AKAP13: variants seen among roughly 807,000 people sequenced by gnomAD.
AKAP13 encodes the protein A-kinase anchoring protein 13, also known as A-kinase anchor protein 13.
AKAP13 carries 80 observed loss-of-function variants against 264.5 expected under a neutral mutation model. The observed-to-expected ratio is 0.30, with a 90% CI of 0.25 to 0.36. The LOEUF (loss-of-function observed/expected upper bound fraction) is 0.36, where lower values mean the gene tolerates loss of function less well. AKAP13 is among the 10% of genes least tolerant of loss of function. The pLI is 1.00. For synonymous variants in AKAP13, 1,380 were observed against 1,250.2 expected, an observed-to-expected ratio of 1.10 and a Z score of -2.19; for missense variants, 3,712 against 3,435.2, an observed-to-expected ratio of 1.08 and a Z score of -2.01.
At chr15:85,741,713 A>C (rs12148184) in intron 35 of AKAP13, among the ~76,000 whole-genome samples, 50,317 of 95,940 alleles carry the variant, frequency 0.52, 10,795 homozygotes, top group Non-Finnish European at 0.57. Flanking sequence ...AAAAAAAAAA[A>C]AAACAAACAA....
At chr15:85,408,152 A>T (rs548185596) in intron 1 of AKAP13, among the ~76,000 whole-genome samples, 26 of 151,700 alleles carry the variant, frequency 1.7e-4, no homozygotes, top group African/African-American at 5.9e-4. Context: ...GGTAATGTTT[A>T]CATTTGGCTT....
intron 8 of AKAP13, among the ~76,000 whole-genome samples, chr15:85,623,844 TA>T (rs1377770399): frequency 1.3e-5 from 2 of 152,262 alleles, no homozygotes; most frequent in Non-Finnish European, 2.9e-5. Flanking sequence ...ATGTGGTTGG[TA>T]ACTATGAATC....
chr15:85,522,128 C>T (rs2076844274), intron 3 of AKAP13, among the ~76,000 whole-genome samples: 1 of 152,102 alleles, frequency 6.6e-6, no homozygotes, highest in Non-Finnish European at 1.5e-5. Context: ...CCAGTATCAC[C>T]ATTGCTGAAC....
intron 29 of AKAP13, among the ~76,000 whole-genome samples, chr15:85,729,684 C>T (rs2087851516): frequency 6.6e-6 from 1 of 151,962 alleles, no homozygotes; most frequent in South Asian, 2.1e-4. Context: ...CACCTGTAAT[C>T]CCAGCACTTT....
intron 2 of AKAP13, among the ~76,000 whole-genome samples, chr15:85,518,111 T>C (rs1456658182): frequency 6.6e-6 from 1 of 152,242 alleles, no homozygotes; most frequent in African/African-American, 2.4e-5. Context: ...TTTATTCTTG[T>C]AGGCTGGTCT....
intron 8 of AKAP13, among the ~76,000 whole-genome samples, chr15:85,589,554 G>C (rs967363831): frequency 6.6e-6 from 1 of 150,446 alleles, no homozygotes; most frequent in African/African-American, 2.4e-5. Flanking sequence ...TCAGGAGTTC[G>C]TGACCAGCCT....
At chr15:85,619,831 T>C (rs2081095831) in intron 8 of AKAP13, 2 of 1,231,200 alleles carry the variant, frequency 1.6e-6, no homozygotes, top group Non-Finnish European at 2.1e-6. Flanking sequence ...TTGTTTATAT[T>C]ATGAGTTCTA....
intron 33 of AKAP13, among the ~76,000 whole-genome samples, chr15:85,736,421 TTTTG>T (rs145901490): frequency 0.11 from 15,420 of 143,504 alleles, 1,041 homozygotes; most frequent in East Asian, 0.37. Context: ...CTTGCTGTTT[TTTTG>T]TTTGTTTGTT....
At position 85,475,018 on chromosome 15, in the gene AKAP13, A is replaced by G. The variant is rs528824842; in HGVS notation, c.-11-10692A>G. Reference sequence around the variant, plus strand: ...GGTCATCCAGCTCAGTAATGTCCTCATTTGTGTGAGAGCCTACCTGCCTAT... The same window carrying G: ...GGTCATCCAGCTCAGTAATGTCCTCGTTTGTGTGAGAGCCTACCTGCCTAT... On this transcript the variant is annotated intron_variant, in intron 1 of 36. Transcript: ENST00000394518. 1.7e-3 allele frequency among the ~76,000 whole-genome samples: 265 copies of G among 152,042 alleles called. 3 individuals carry two copies. The highest frequency in any genetic ancestry group is 2.7e-3 in the Non-Finnish European group (186 of 68,010).
At chr15:85,446,728 T>C (rs1181407516) in intron 1 of AKAP13, among the ~76,000 whole-genome samples, 1 of 107,794 alleles carries the variant, frequency 9.3e-6, no homozygotes, top group Non-Finnish European at 1.8e-5. Context: ...TTTTTTTTTT[T>C]GAGACAGAGT....
Position 85,728,002 on chromosome 15 carries a change from A to G in AKAP13, c.7087+539A>G, listed in dbSNP as rs148255759. Among the ~76,000 whole-genome samples the G allele has an allele frequency of 3.7e-3, 570 of 152,256 alleles. 1 individual carries two copies. Among genetic ancestry groups the G allele is most frequent in the African/African-American group, 0.013 (539 of 41,550 alleles). ...GTGTAGTCTTGTCAGTATCCCTGCA[A>G]CACAGGCATTCTAATCCCCATTGTG... On this transcript the variant is annotated intron_variant, in intron 29 of 36. Coordinates refer to ENST00000394518, the MANE Select transcript of AKAP13 (RefSeq NM_007200.5).
At chr15:85,659,594 T>G (rs564945336) in intron 12 of AKAP13, among the ~76,000 whole-genome samples, 1 of 149,284 alleles carries the variant, frequency 6.7e-6, no homozygotes, top group East Asian at 1.9e-4. Flanking sequence ...AATAAGTTTT[T>G]CAGTAGAAGG....
At position 85,559,585 on chromosome 15, in the gene AKAP13, G is replaced by T. The variant is rs1407394218; in HGVS notation, c.663-15546G>T. On this transcript the variant is annotated intron_variant, in intron 5 of 36. Coordinates refer to ENST00000394518, the MANE Select transcript of AKAP13 (RefSeq NM_007200.5). ...TCCTGCAGCTAAACAGTCCCATCAG[G>T]GGGTGATGGGAGACAGTGACAGATC... 2.6e-5 allele frequency among the ~76,000 whole-genome samples: 4 copies of T among 152,284 alleles called. No individual in the cohort carries two copies. The South Asian group carries it at 6.2e-4, about 24-fold the overall frequency.
Position 85,585,605 on chromosome 15 carries a change from A to G in AKAP13, c.4040-97A>G, listed in dbSNP as rs1204626911. On this transcript the variant is annotated intron_variant, in intron 7 of 36. Transcript: ENST00000394518. Reference sequence around the variant, plus strand: ...TACTTTTCCATTTTAACGCAAAAGCAAAACAAAACACATGAAACCTGGAGC... The same window carrying G: ...TACTTTTCCATTTTAACGCAAAAGCGAAACAAAACACATGAAACCTGGAGC... The G allele has an allele frequency of 2.2e-5, 34 of 1,548,314 alleles. 1 individual carries two copies. Among genetic ancestry groups the G allele is most frequent in the Non-Finnish European group, 4.4e-6 (5 of 1,136,038 alleles).
chr15:85,523,522 C>T (rs891145751), intron 3 of AKAP13, among the ~76,000 whole-genome samples: 1 of 152,174 alleles, frequency 6.6e-6, no homozygotes, highest in South Asian at 2.1e-4. Context: ...TTCCCTATCC[C>T]CCTTTCCTGC....
At chr15:85,738,996 C>CTAT (rs1325939447) in intron 33 of AKAP13, among the ~76,000 whole-genome samples, 7 of 152,044 alleles carry the variant, frequency 4.6e-5, no homozygotes, top group Non-Finnish European at 1.0e-4. Flanking sequence ...TTTTTTTCCT[C>CTAT]TTAATATGCA....
In AKAP13 at chr15:85,483,638, A is replaced by ACAAAAC. The variant is rs1555434074; in HGVS notation, c.-11-2072_-11-2071insCAAAAC. On this transcript the variant is annotated intron_variant, in intron 1 of 36. Coordinates refer to ENST00000394518, the MANE Select transcript of AKAP13 (RefSeq NM_007200.5). ...ACAGAGCGAGACTCCGTCTCAAAAA[A>ACAAAAC]AAAAAAAAAAAAACACCAAAAAATC... 2.6e-4 allele frequency among the ~76,000 whole-genome samples: 29 copies of ACAAAAC among 110,600 alleles called. 1 individual carries two copies. The highest frequency in any genetic ancestry group is 5.6e-4 in the East Asian group (2 of 3,592). The allele number at this position is 110,600 out of a possible 152,430, so 72.6% of individuals were successfully genotyped here. A position where few individuals can be genotyped will look rare whatever the true frequency, so the allele number is the denominator to read the frequency against.
chr15:85,504,530 A>AAAAAAG (rs2076143080), intron 2 of AKAP13, among the ~76,000 whole-genome samples: 28 of 124,228 alleles, frequency 2.3e-4, no homozygotes, highest in African/African-American at 8.2e-4. Flanking sequence ...AAAAAAAAAA[A>AAAAAAG]AAAAAGAAAA....
At chr15:85,729,949 A>G (rs1315282703) in intron 29 of AKAP13, among the ~76,000 whole-genome samples, 1 of 150,806 alleles carries the variant, frequency 6.6e-6, no homozygotes, top group Non-Finnish European at 1.5e-5. Context: ...TCCGTCTCAA[A>G]AAACAAAAAC....
Sources: gnomAD v4.1 joint callset for allele counts (sites outside exome capture counted in the v4.1 genomes callset) on GRCh38, gnomAD v4.1.1 for gene constraint, MANE v1.5 for transcripts, NCBI Gene and HGNC (gene_info 2026-07-23, HGNC 2026-07-21) for gene names.